Variants in NCAM2 observed in about 807,000 individuals in gnomAD.
NCAM2 encodes the protein N-CAM-2.
In NCAM2, 30 loss-of-function variants were observed where a neutral mutation model predicts 98.1. The ratio of observed to expected loss-of-function variants is 0.31; its 90% CI spans 0.23 to 0.41. The LOEUF is 0.41. NCAM2 is among the 10% of genes least tolerant of loss of function. The probability of loss-of-function intolerance (pLI) is 1.00; values close to 1 mark genes in which losing one functional copy is unlikely to be tolerated. For synonymous variants in NCAM2, 368 were observed against 342.4 expected, an observed-to-expected ratio of 1.07 and a Z score of -0.83; for missense variants, 867 against 1,005.8, an observed-to-expected ratio of 0.86 and a Z score of 1.87.
chr21:21,071,083 A>C (rs551364723), intron 1 of NCAM2, among the ~76,000 whole-genome samples: 12 of 152,284 alleles, frequency 7.9e-5, no homozygotes, highest in East Asian at 3.9e-4. Flanking sequence ...CAAACACATA[A>C]TCAAAGCTTC....
At chr21:21,240,002 T>C (rs2071000975) in intron 1 of NCAM2, among the ~76,000 whole-genome samples, 1 of 152,084 alleles carries the variant, frequency 6.6e-6, no homozygotes, top group Non-Finnish European at 1.5e-5. Context: ...TATGTTTCTG[T>C]CTCTTAAGCT....
chr21:21,397,421 C>T (rs570198244), intron 9 of NCAM2, among the ~76,000 whole-genome samples: 3 of 152,290 alleles, frequency 2.0e-5, no homozygotes, highest in South Asian at 4.1e-4. Flanking sequence ...CACATTTAGT[C>T]TTCCCTCAGC....
intron 15 of NCAM2, among the ~76,000 whole-genome samples, chr21:21,499,293 G>C (rs745351537): frequency 6.6e-6 from 1 of 152,180 alleles, no homozygotes; most frequent in Non-Finnish European, 1.5e-5. Context: ...CCAGGCTGGA[G>C]TGCAGTGGCG....
intron 12 of NCAM2, among the ~76,000 whole-genome samples, chr21:21,448,095 G>A (rs556256093): frequency 2.6e-5 from 4 of 152,098 alleles, no homozygotes; most frequent in African/African-American, 7.2e-5. Flanking sequence ...ACATGCACAC[G>A]TATGTTTATT....
intron 1 of NCAM2, among the ~76,000 whole-genome samples, chr21:21,116,976 G>A (rs577169212): frequency 1.3e-5 from 2 of 152,116 alleles, no homozygotes; most frequent in South Asian, 4.1e-4. Context: ...AAAAAACAAT[G>A]TCACCAAAAT....
At chr21:21,338,678 A>G in intron 8 of NCAM2, 144 bp downstream of exon 8, 2 of 846,040 alleles carry the variant, frequency 2.4e-6, no homozygotes, top group Non-Finnish European at 3.5e-6. Flanking sequence ...GGTAACTAAC[A>G]CAATGTCGGC....
chr21:21,385,404 A>ACG (rs2076249305), intron 9 of NCAM2, among the ~76,000 whole-genome samples: 1 of 151,568 alleles, frequency 6.6e-6, no homozygotes, highest in South Asian at 2.1e-4. Flanking sequence ...ACACACGCAC[A>ACG]CACACATACA....
At chr21:21,430,858 C>T (rs1250585322) in intron 11 of NCAM2, among the ~76,000 whole-genome samples, 1 of 151,644 alleles carries the variant, frequency 6.6e-6, no homozygotes, top group Admixed American at 6.6e-5. Flanking sequence ...CCATCCTGGC[C>T]AACATGGTGA....
chr21:21,524,875 A>G (rs758220307), intron 16 of NCAM2, among the ~76,000 whole-genome samples: 41 of 152,148 alleles, frequency 2.7e-4, no homozygotes, highest in Non-Finnish European at 4.1e-4. Flanking sequence ...AAATACTCCA[A>G]ATGCTTGAAG....
chr21:21,505,517 A>G (rs1944253302), intron 15 of NCAM2, among the ~76,000 whole-genome samples: 1 of 152,086 alleles, frequency 6.6e-6, no homozygotes, highest in South Asian at 2.1e-4. Context: ...TGAAGCATAT[A>G]ATTATACTAG....
chr21:21,406,309 C>T (rs1445998589), intron 9 of NCAM2, among the ~76,000 whole-genome samples: 2 of 152,298 alleles, frequency 1.3e-5, no homozygotes, highest in Non-Finnish European at 1.5e-5. Context: ...TAATGACTTT[C>T]TTGGTAACCT....
At chr21:21,516,390 C>G (rs1314130718) in intron 16 of NCAM2, among the ~76,000 whole-genome samples, 1 of 151,012 alleles carries the variant, frequency 6.6e-6, no homozygotes, top group African/African-American at 2.4e-5. Context: ...GTTTTTTTTT[C>G]AATTCTAAGG....
chr21:21,352,996 G>A (rs2075383841), intron 8 of NCAM2, among the ~76,000 whole-genome samples: 1 of 151,966 alleles, frequency 6.6e-6, no homozygotes, highest in South Asian at 2.1e-4. Flanking sequence ...TGGGATTACA[G>A]GTGCCCGCCA....
intron 1 of NCAM2, among the ~76,000 whole-genome samples, chr21:21,174,432 A>G (rs2068219559): frequency 6.6e-6 from 1 of 152,168 alleles, no homozygotes; most frequent in South Asian, 2.1e-4. Context: ...TTTTTATCTG[A>G]AAAACAAATT....
At chr21:21,534,257 C>T (rs1244301781) in intron 16 of NCAM2, among the ~76,000 whole-genome samples, 1 of 151,638 alleles carries the variant, frequency 6.6e-6, no homozygotes, top group Non-Finnish European at 1.5e-5. Context: ...AGAATATATA[C>T]AGTAGGATTT....
intron 1 of NCAM2, among the ~76,000 whole-genome samples, chr21:21,000,244 C>G (rs775617415): frequency 1.3e-5 from 2 of 152,042 alleles, no homozygotes; most frequent in Non-Finnish European, 2.9e-5. Flanking sequence ...GAAACAATCC[C>G]TGAAAATTGC....
chr21:21,264,037 A>T (rs1304813546), intron 1 of NCAM2, among the ~76,000 whole-genome samples: 1 of 152,146 alleles, frequency 6.6e-6, no homozygotes, highest in Non-Finnish European at 1.5e-5. Context: ...AAAAGAAACC[A>T]TCAACAAAAC....
chr21:21,537,965 A>G lies in NCAM2; in HGVS notation c.*8A>G, dbSNP rs371111387. The G allele has an allele frequency of 2.7e-6, 4 of 1,454,934 alleles. No homozygotes were observed. The highest frequency in any genetic ancestry group is 3.8e-6 in the Non-Finnish European group (4 of 1,064,770). 90.1% of individuals were successfully genotyped at this position (1,454,934 alleles called of 1,614,324 possible). A position where few individuals can be genotyped will look rare whatever the true frequency, so the allele number is the denominator to read the frequency against. ...GACGACAGCAAAGCATAACAACAAT[A>G]TTACAGGGGCTTGAACAACACTACG... On this transcript the variant is annotated 3_prime_UTR_variant, in exon 18 of 18. Coordinates refer to ENST00000400546, the MANE Select transcript of NCAM2 (RefSeq NM_004540.5).
intron 15 of NCAM2, among the ~76,000 whole-genome samples, chr21:21,489,201 G>T (rs1025379081): frequency 6.6e-6 from 1 of 151,976 alleles, no homozygotes; most frequent in African/African-American, 2.4e-5. Context: ...CACCATGTTG[G>T]CCAGGCTGGT....
Sources: allele counts gnomAD v4.1 joint callset (sites outside exome capture counted in the v4.1 genomes callset), GRCh38; gene constraint gnomAD v4.1.1; transcripts MANE v1.5; gene names NCBI Gene and HGNC (gene_info 2026-07-23, HGNC 2026-07-21).